Variants in PCDH7 observed in about 807,000 individuals in gnomAD.
The protein encoded by PCDH7 is protocadherin 7, also known as protocadherin-7.
In PCDH7, 17 loss-of-function variants were observed where a neutral mutation model predicts 58.9. The ratio of observed to expected loss-of-function variants is 0.29; its 90% CI spans 0.20 to 0.43. PCDH7 has a LOEUF of 0.43. Among genes scored for constraint, PCDH7 ranks in the 20% least tolerant of loss-of-function variants. PCDH7 has a pLI of 1.00. For synonymous variants in PCDH7, 664 were observed against 616.4 expected (o/e 1.08, Z -1.14); for missense variants, 1,274 against 1,441.0 (o/e 0.88, Z 1.88).
At chr4:30,861,226 G>T (rs1490801071) in intron 1 of PCDH7, among the ~76,000 whole-genome samples, 1 of 152,136 alleles carries the variant, frequency 6.6e-6, no homozygotes, top group Non-Finnish European at 1.5e-5. Flanking sequence ...AGCATTACAG[G>T]ATCTTGAGTT....
At chr4:30,998,729 T>C (rs1030301020) in intron 3 of PCDH7, among the ~76,000 whole-genome samples, 2 of 152,040 alleles carry the variant, frequency 1.3e-5, no homozygotes, top group Non-Finnish European at 2.9e-5. Flanking sequence ...ATTGAAGAAT[T>C]GATAGGATTT....
intron 1 of PCDH7, among the ~76,000 whole-genome samples, chr4:30,894,514 TATACACACACACACACAC>T (rs1417096397): frequency 4.2e-5 from 2 of 48,038 alleles, no homozygotes; most frequent in African/African-American, 2.7e-4. Flanking sequence ...TATATATATA[TATACACACACACACACAC>T]ACACACACAC....
intron 1 of PCDH7, among the ~76,000 whole-genome samples, chr4:30,843,221 A>C (rs1047458496): frequency 9.2e-5 from 14 of 152,076 alleles, no homozygotes; most frequent in African/African-American, 3.4e-4. Flanking sequence ...ATTTATTTAC[A>C]GGCAGAGTCT....
In PCDH7 at chr4:30,936,436, T is replaced by C. The variant is rs1423779410; in HGVS notation, c.288-13684T>C. ...CTATTGTAGCCATTATAATTATTTATATTTTAAAAACTAATTTAAGTAGAA... is the reference window on the plus strand; with the variant it reads ...CTATTGTAGCCATTATAATTATTTACATTTTAAAAACTAATTTAAGTAGAA... On this transcript the variant is annotated intron_variant, in intron 2 of 3. Transcript: ENST00000509759. 2.0e-5 allele frequency among the ~76,000 whole-genome samples: 3 copies of C among 152,250 alleles called. No homozygotes were observed. The East Asian group carries it at 5.8e-4, about 29-fold the overall frequency.
intron 3 of PCDH7, among the ~76,000 whole-genome samples, chr4:31,045,020 G>T (rs1756169825): frequency 6.6e-6 from 1 of 151,852 alleles, no homozygotes; most frequent in Non-Finnish European, 1.5e-5. Flanking sequence ...TTCTTTTGTG[G>T]CCTAGCAGAT....
Position 30,723,947 on chromosome 4 carries a change from G to C in PCDH7, c.2525G>C (p.Ser842Thr). 1.2e-6 allele frequency: 2 copies of C among 1,614,132 alleles called. No individual in the cohort carries two copies. The highest frequency in any genetic ancestry group is 1.1e-5 in the South Asian group (1 of 91,076). ...CTGGTGCACGTGTTTGTCAATGAAA[G>C]TGTTTCTAATGCAACTGCGATTGAC... The change falls in exon 1 of 2, where the codon AGT becomes ACT. Residue 842 changes from serine (S) to threonine (T), a missense_variant. Physicochemically the swap from Ser to Thr is moderately conservative, Grantham distance 58. This residue lies in a region of PCDH7 where 731 missense variants were observed against 881.9 expected (regional missense o/e 0.83). Transcript: ENST00000361762. The surrounding 1 kb of genome is among the most constrained non-coding windows in gnomAD (Gnocchi z 4.6).
chr4:30,948,139 T>A (rs941179283), intron 2 of PCDH7, among the ~76,000 whole-genome samples: 1 of 152,094 alleles, frequency 6.6e-6, no homozygotes, highest in African/African-American at 2.4e-5. Flanking sequence ...ATATATTTAC[T>A]TTTTATAGTT....
At chr4:31,117,272 T>A (rs944055591) in intron 3 of PCDH7, among the ~76,000 whole-genome samples, 1 of 152,190 alleles carries the variant, frequency 6.6e-6, no homozygotes, top group East Asian at 1.9e-4. Context: ...TTAAGCAAAA[T>A]GTCAGTAAAC....
At chr4:30,940,216 C>A (rs1030511593) in intron 2 of PCDH7, among the ~76,000 whole-genome samples, 1 of 151,754 alleles carries the variant, frequency 6.6e-6, no homozygotes. Context: ...AAGTATTGGT[C>A]CCCATTTTAA....
At chr4:30,813,332 G>A (rs1416133674) in intron 1 of PCDH7, among the ~76,000 whole-genome samples, 1 of 152,102 alleles carries the variant, frequency 6.6e-6, no homozygotes, top group Non-Finnish European at 1.5e-5. Flanking sequence ...GTTCCTTTTG[G>A]TATGTTACTC....
intron 1 of PCDH7, among the ~76,000 whole-genome samples, chr4:30,885,995 G>A (rs1387617952): frequency 3.3e-5 from 5 of 151,258 alleles, no homozygotes; most frequent in Non-Finnish European, 7.4e-5. Flanking sequence ...AGACTTAAAC[G>A]TTAGACCTAA....
intron 3 of PCDH7, among the ~76,000 whole-genome samples, chr4:30,954,623 T>TTGATAGCTTTTACTC (rs1396639109): frequency 6.6e-6 from 1 of 152,164 alleles, no homozygotes; most frequent in Non-Finnish European, 1.5e-5. Flanking sequence ...ACATGACAAT[T>TTGATAGCTTTTACTC]TGATACCTTT....
chr4:31,088,732 T>A (rs1010670042), intron 3 of PCDH7, among the ~76,000 whole-genome samples: 2 of 152,044 alleles, frequency 1.3e-5, no homozygotes, highest in Non-Finnish European at 2.9e-5. Flanking sequence ...GTCAAACAAG[T>A]GCATCTGCTC....
chr4:30,851,416 TGACATAA>T (rs976992670), intron 1 of PCDH7, among the ~76,000 whole-genome samples: 17 of 152,016 alleles, frequency 1.1e-4, no homozygotes, highest in Non-Finnish European at 2.2e-4. Context: ...TCATAAAATG[TGACATAA>T]GACATTCTCT....
chr4:31,037,498 A>G (rs1339206664), intron 3 of PCDH7, among the ~76,000 whole-genome samples: 2 of 152,152 alleles, frequency 1.3e-5, no homozygotes, highest in Middle Eastern at 3.2e-3. Context: ...GCCATGTTCT[A>G]TGTTACTGGG....
At chr4:31,144,912 A>G (rs546581243), downstream of PCDH7, 11 of 152,312 alleles carry the variant, frequency 7.2e-5, no homozygotes, top group South Asian at 8.3e-4. Flanking sequence ...AGGAAACTGC[A>G]TTAAAGCAGT....
intron 3 of PCDH7, among the ~76,000 whole-genome samples, chr4:31,115,876 A>G (rs1578838408): frequency 1.3e-5 from 2 of 152,166 alleles, no homozygotes; most frequent in Non-Finnish European, 2.9e-5. Context: ...TTTTTCTTCC[A>G]AAACAGATAA....
chr4:30,725,161 A>G (rs924313123), intron 1 of PCDH7: 20 of 999,978 alleles, frequency 2.0e-5, no homozygotes, highest in Non-Finnish European at 2.4e-5. Flanking sequence ...TGCTGGTTTA[A>G]AAATATTTAC....
intron 1 of PCDH7, among the ~76,000 whole-genome samples, chr4:30,834,928 T>C (rs1416483019): frequency 6.9e-6 from 1 of 144,470 alleles, no homozygotes; most frequent in Non-Finnish European, 1.5e-5. Context: ...TGTGTATATA[T>C]ATACACACAC....
Sources: allele counts gnomAD v4.1 joint callset (sites outside exome capture counted in the v4.1 genomes callset), GRCh38; gene constraint gnomAD v4.1.1; regional missense constraint gnomAD v4.1.1; non-coding constraint Gnocchi (gnomAD v3.1); transcripts MANE v1.5; gene names NCBI Gene and HGNC (gene_info 2026-07-23, HGNC 2026-07-21).